NELL2: variants seen among roughly 807,000 people sequenced by gnomAD.
NELL2 encodes protein kinase C-binding protein NELL2.
NELL2 carries 41 observed loss-of-function variants against 109.6 expected under a neutral mutation model. That is an observed-to-expected ratio of 0.37 (90% CI 0.29 to 0.49). The LOEUF is 0.49. Among genes scored for constraint, NELL2 ranks in the 20% least tolerant of loss-of-function variants. The pLI is 0.98. For missense variants in NELL2, 900 were observed against 1,008.3 expected (o/e 0.89, Z 1.45); for synonymous variants, 355 against 344.7 (o/e 1.03, Z -0.33).
At chr12:44,688,280 T>C (rs1274295520) in intron 12 of NELL2, among the ~76,000 whole-genome samples, 3 of 152,244 alleles carry the variant, frequency 2.0e-5, no homozygotes, top group Non-Finnish European at 2.9e-5. Context: ...TTCAAATATA[T>C]GACAATATCA....
chr12:44,757,611 G>A (rs1212397876), intron 9 of NELL2, among the ~76,000 whole-genome samples: 13 of 151,968 alleles, frequency 8.6e-5, no homozygotes, highest in Admixed American at 7.9e-4. Context: ...GCTAGTGTGG[G>A]TGCTGAAAAA....
chr12:44,796,316 T>C (rs1429592375), intron 3 of NELL2, among the ~76,000 whole-genome samples: 1 of 152,116 alleles, frequency 6.6e-6, no homozygotes, highest in African/African-American at 2.4e-5. Flanking sequence ...GAAAGTGTTT[T>C]AACAAGAATC....
chr12:44,667,356 A>G (rs1225368355), intron 12 of NELL2, among the ~76,000 whole-genome samples: 6 of 152,188 alleles, frequency 3.9e-5, no homozygotes, highest in African/African-American at 9.7e-5. Context: ...TGATGAGTGT[A>G]ATACAGGGGT....
chr12:44,769,004 C>CAA (rs72119201), intron 9 of NELL2, among the ~76,000 whole-genome samples: 12 of 151,010 alleles, frequency 7.9e-5, no homozygotes, highest in South Asian at 4.2e-4. Flanking sequence ...CTGTTAAAAA[C>CAA]AAAAAAAAAT....
At chr12:44,517,372 TC>T (rs1472366857) in intron 19 of NELL2, among the ~76,000 whole-genome samples, 3 of 808 alleles carry the variant, frequency 3.7e-3, no homozygotes, top group African/African-American at 5.3e-3. Flanking sequence ...CCAACTACTT[TC>T]TCTCTCTCTC....
In NELL2 at chr12:44,840,022, T is replaced by C. The variant is rs79606681; in HGVS notation, c.185-23886A>G. ...CCACTCTCCCACATGTGTGCTGCAT[T>C]CTACCTACACCAAACCACTCGCAAG... is the stretch of plus-strand genomic sequence containing the variant. On this transcript the variant is annotated intron_variant, in intron 2 of 19. Coordinates refer to ENST00000429094, the MANE Select transcript of NELL2 (RefSeq NM_001145108.2). Among the ~76,000 whole-genome samples, 103 of 152,334 alleles carry C rather than the reference T, an allele frequency of 6.8e-4. 3 individuals carry two copies. In the East Asian group the frequency reaches 0.019, roughly 29 times the overall value.
chr12:44,899,375 T>A (rs1401792310), intron 1 of NELL2, among the ~76,000 whole-genome samples: 2 of 152,106 alleles, frequency 1.3e-5, no homozygotes, highest in Admixed American at 6.5e-5. Flanking sequence ...AACATCAGGT[T>A]ACCCACAAAG....
intron 15 of NELL2, among the ~76,000 whole-genome samples, chr12:44,593,728 G>A (rs757153767): frequency 2.0e-5 from 3 of 152,114 alleles, no homozygotes; most frequent in Non-Finnish European, 4.4e-5. Flanking sequence ...GTGTAAAAGC[G>A]TTCCTATTTC....
At chr12:44,559,522 T>A (rs1943389768) in intron 15 of NELL2, among the ~76,000 whole-genome samples, 1 of 152,206 alleles carries the variant, frequency 6.6e-6, no homozygotes, top group Non-Finnish European at 1.5e-5. Flanking sequence ...CATCAGGGGT[T>A]GCAATCCTAG....
chr12:44,521,916 A>G, intron 18 of NELL2, 84 bp downstream of exon 18: 1 of 1,369,296 alleles, frequency 7.3e-7, no homozygotes, highest in South Asian at 1.3e-5. Flanking sequence ...GGTGCTAGGT[A>G]TTGGCAGATG....
chr12:44,612,620 A>G (rs1195502225), intron 13 of NELL2, among the ~76,000 whole-genome samples: 1 of 152,018 alleles, frequency 6.6e-6, no homozygotes, highest in Non-Finnish European at 1.5e-5. Flanking sequence ...AAGGGCTAGA[A>G]TGGGCAGCCC....
At chr12:44,687,130 G>C (rs111683431) in intron 12 of NELL2, among the ~76,000 whole-genome samples, 1 of 152,172 alleles carries the variant, frequency 6.6e-6, no homozygotes, top group Non-Finnish European at 1.5e-5. Context: ...TAAGCCCGTC[G>C]GAAATGCGCA....
intron 12 of NELL2, among the ~76,000 whole-genome samples, chr12:44,701,575 T>A (rs1467098502): frequency 6.6e-6 from 1 of 152,124 alleles, no homozygotes; most frequent in African/African-American, 2.4e-5. Context: ...CTCAATGCCA[T>A]CCATGTGTTG....
At chr12:44,619,545 G>A (rs954299286) in intron 13 of NELL2, among the ~76,000 whole-genome samples, 1 of 151,862 alleles carries the variant, frequency 6.6e-6, no homozygotes, top group Non-Finnish European at 1.5e-5. Context: ...TTTTCCATTC[G>A]AGTTAGATTA....
rs765319510 is a variant in NELL2 at position 44,780,066 on chromosome 12, C to T, written c.336-44G>A. ...CATGGGACACATTAAAAATAAAGTT[C>T]AAAAACGATTGAAGTGATCTCTGTC... is the stretch of plus-strand genomic sequence containing the variant. On this transcript the variant is annotated intron_variant, in intron 3 of 19. Coordinates refer to ENST00000429094, the MANE Select transcript of NELL2 (RefSeq NM_001145108.2). 16 of 1,593,220 alleles carry T rather than the reference C, an allele frequency of 1.0e-5. No individual in the cohort carries two copies. The Admixed American group carries it at 2.8e-4, about 28-fold the overall frequency.
intron 1 of NELL2, among the ~76,000 whole-genome samples, chr12:44,885,165 G>C (rs1385927522): frequency 6.6e-6 from 1 of 151,886 alleles, no homozygotes; most frequent in African/African-American, 2.4e-5. Flanking sequence ...TGTAATCTCA[G>C]CTACTTGGGA....
chr12:44,889,669 A>G (rs1945511713), intron 1 of NELL2, among the ~76,000 whole-genome samples: 1 of 152,140 alleles, frequency 6.6e-6, no homozygotes. Context: ...TACTTATATC[A>G]GATTTTTTTC....
intron 9 of NELL2, among the ~76,000 whole-genome samples, chr12:44,744,037 C>A (rs186396162): frequency 0.061 from 9,259 of 151,982 alleles, 374 homozygotes; most frequent in Non-Finnish European, 0.089. Flanking sequence ...CAAAATTGAC[C>A]ACATAGTTGG....
At chr12:44,893,669 C>A (rs778091353) in intron 1 of NELL2, among the ~76,000 whole-genome samples, 4 of 152,170 alleles carry the variant, frequency 2.6e-5, no homozygotes, top group Non-Finnish European at 5.9e-5. Context: ...TTGATGTTAG[C>A]TGTGTTCCTG....
Sources: allele counts gnomAD v4.1 joint callset (sites outside exome capture counted in the v4.1 genomes callset), GRCh38; gene constraint gnomAD v4.1.1; transcripts MANE v1.5; gene names NCBI Gene and HGNC (gene_info 2026-07-23, HGNC 2026-07-21).